Variants in FOXA3 observed in about 807,000 individuals in gnomAD.
FOXA3 encodes hepatocyte nuclear factor 3-gamma.
Under a neutral mutation model 16.9 loss-of-function variants are expected in FOXA3, and 11 were observed. The ratio of observed to expected loss-of-function variants is 0.65; its 90% CI spans 0.41 to 1.08. The LOEUF (loss-of-function observed/expected upper bound fraction) is 1.08, where lower values mean the gene tolerates loss of function less well. Ranked by LOEUF, FOXA3 falls within the 50% of genes least tolerant of loss-of-function variation. The pLI is 0.00. For missense variants in FOXA3, 423 were observed against 470.1 expected, an observed-to-expected ratio of 0.90 and a Z score of 0.93; for synonymous variants, 217 against 203.3, an observed-to-expected ratio of 1.07 and a Z score of -0.57.
At position 45,872,343 on chromosome 19, in the gene FOXA3, T is replaced by A; in HGVS notation, c.338T>A (p.Leu113Gln). 1 of 1,614,018 alleles carries A rather than the reference T, an allele frequency of 6.2e-7. No individual in the cohort carries two copies. Among genetic ancestry groups the A allele is most frequent in the Non-Finnish European group, 8.5e-7 (1 of 1,179,914 alleles). Residue 113 changes from leucine to glutamine, a missense_variant, in exon 2 of 2, where the codon CTG becomes CAG. This residue lies in a region of FOXA3 where 170 missense variants were observed against 153.9 expected (regional missense o/e 1.10). Transcript: ENST00000302177. The surrounding 1 kb of genome is among the most constrained non-coding windows in gnomAD (Gnocchi z 4.5). ...KEMPKGYRRP[L>Q]AHAKPPYSYI... ...ATGCCGAAGGGGTATCGGCGGCCCC[T>A]GGCACACGCCAAGCCACCGTATTCC...
At position 45,873,499 on chromosome 19, in the gene FOXA3, T is replaced by G. The variant is rs1302215889; in HGVS notation, c.*441T>G. 4.6e-6 allele frequency: 1 copy of G among 219,152 alleles called. No homozygotes were observed. The highest frequency in any genetic ancestry group is 9.2e-6 in the Non-Finnish European group (1 of 108,214). 13.6% of individuals were successfully genotyped at this position (219,152 alleles called of 1,614,324 possible). ...CACCTTTTTTGGCCCATTGGGTGCT[T>G]TGATGGACATCATACTGGGTAGGTG... On this transcript the variant is annotated 3_prime_UTR_variant, in exon 2 of 2. Coordinates refer to ENST00000302177, the MANE Select transcript of FOXA3 (RefSeq NM_004497.3).
Position 45,872,925 on chromosome 19 carries a change from A to G in FOXA3, c.920A>G (p.Asn307Ser), listed in dbSNP as rs775918200. Reference sequence around the variant, plus strand: ...AACTTCAACCACCCTTTCTCCATCAACAACCTAATGTCAGAACAGACACCA... The same window carrying G: ...AACTTCAACCACCCTTTCTCCATCAGCAACCTAATGTCAGAACAGACACCA... Reference protein sequence around the residue: ...PYNFNHPFSINNLMSEQTPAP... With the variant: ...PYNFNHPFSISNLMSEQTPAP... The change falls in exon 2 of 2, where the codon AAC becomes AGC. Residue 307 changes from asparagine to serine, a missense_variant. Asn to Ser is a conservative substitution (Grantham distance 46). Around this residue, in one of 3 missense-constraint regions of FOXA3, gnomAD observed 168 missense variants for 179.3 expected, o/e 0.94. Coordinates refer to ENST00000302177, the MANE Select transcript of FOXA3 (RefSeq NM_004497.3). This position sits in a 1 kb window ranked among gnomAD's most constrained non-coding sequence, Gnocchi z 4.5. 1.9e-6 allele frequency: 3 copies of G among 1,613,952 alleles called. No homozygotes were observed. In the East Asian group the frequency reaches 6.7e-5, roughly 36 times the overall value.
intron 1 of FOXA3, among the ~76,000 whole-genome samples, chr19:45,868,180 C>G (rs575692864): frequency 1.8e-4 from 28 of 152,148 alleles, no homozygotes; most frequent in Admixed American, 1.5e-3. Flanking sequence ...CAGAGGATTT[C>G]TCGACTGGAA....
At chr19:45,865,270 G>T (rs537090095) in intron 1 of FOXA3, among the ~76,000 whole-genome samples, 1 of 152,110 alleles carries the variant, frequency 6.6e-6, no homozygotes, top group South Asian at 2.1e-4. Flanking sequence ...GTTTTAGATT[G>T]TGCACCTTCC....
intron 1 of FOXA3, among the ~76,000 whole-genome samples, chr19:45,869,515 C>T (rs2146361472): frequency 6.6e-6 from 1 of 152,338 alleles, no homozygotes; most frequent in African/African-American, 2.4e-5. Context: ...TTAGGAGGCA[C>T]TGCAAGATCT....
chr19:45,871,796 C>T (rs1002077783), intron 1 of FOXA3, among the ~76,000 whole-genome samples: 2 of 152,110 alleles, frequency 1.3e-5, no homozygotes, highest in South Asian at 4.1e-4. Context: ...CAAAGGGTTT[C>T]AGAGACTGCC....
At chr19:45,871,633 C>A (rs1247908375) in intron 1 of FOXA3, among the ~76,000 whole-genome samples, 1 of 150,962 alleles carries the variant, frequency 6.6e-6, no homozygotes, top group East Asian at 1.9e-4. Flanking sequence ...GCTCTGGAGG[C>A]TGATGCAGGA....
In FOXA3 at chr19:45,869,791, A is replaced by AT. The variant is rs71175234; in HGVS notation, c.70-2272dup. Among the ~76,000 whole-genome samples, 181 of 149,138 alleles carry AT rather than the reference A, an allele frequency of 1.2e-3. 2 individuals carry two copies. Among genetic ancestry groups the AT allele is most frequent in the South Asian group, 0.011 (54 of 4,718 alleles). On this transcript the variant is annotated intron_variant, in intron 1 of 1. Transcript: ENST00000302177. ...TACAGTAATTTATTTTTATTTATTT[A>AT]TTTTTTTTTTTTGAGACAGAGTCTT...
chr19:45,868,623 G>A (rs1238290435), intron 1 of FOXA3, among the ~76,000 whole-genome samples: 1 of 151,322 alleles, frequency 6.6e-6, no homozygotes, highest in Non-Finnish European at 1.5e-5. Flanking sequence ...AGACTAGGCG[G>A]TATCCAGTTA....
chr19:45,873,396 C>G lies in FOXA3; in HGVS notation c.*338C>G, dbSNP rs1966930058. On this transcript the variant is annotated 3_prime_UTR_variant, in exon 2 of 2. Transcript: ENST00000302177. ...TTTCAGTGACATCTTCTTTGGCCCC[C>G]CCCATTAGGTGCTGTGCCCACTTCT... The G allele has an allele frequency of 2.8e-6, 1 of 362,612 alleles. No individual in the cohort carries two copies. The highest frequency in any genetic ancestry group is 2.1e-5 in the African/African-American group (1 of 48,298). 22.5% of individuals were successfully genotyped at this position (362,612 alleles called of 1,614,324 possible).
rs1216869210 is a variant in FOXA3 at position 45,872,876 on chromosome 19, G to A, written c.871G>A (p.Glu291Lys). 13 of 1,613,940 alleles carry A rather than the reference G, an allele frequency of 8.1e-6. No individual in the cohort carries two copies. Among genetic ancestry groups the A allele is most frequent in the African/African-American group, 1.3e-5 (1 of 74,930 alleles). ...PYFTGLELPG[E>K]LKLDAPYNFN... ...TTTCACTGGCCTGGAGCTCCCAGGG[G>A]AGCTGAAGCTGGACGCGCCCTACAA... Residue 291 changes from glutamate (E) to lysine (K), a missense_variant, in exon 2 of 2, where the codon GAG becomes AAG. Around this residue, in one of 3 missense-constraint regions of FOXA3, gnomAD observed 168 missense variants for 179.3 expected, o/e 0.94. Transcript: ENST00000302177. This position sits in a 1 kb window ranked among gnomAD's most constrained non-coding sequence, Gnocchi z 4.5.
intron 1 of FOXA3, among the ~76,000 whole-genome samples, chr19:45,871,151 T>A (rs1966900188): frequency 1.3e-5 from 2 of 152,164 alleles, no homozygotes; most frequent in Admixed American, 1.3e-4. Flanking sequence ...CTATCTACGT[T>A]TACAGTATTT....
At chr19:45,869,718 A>G (rs1205890072) in intron 1 of FOXA3, among the ~76,000 whole-genome samples, 1 of 152,156 alleles carries the variant, frequency 6.6e-6, no homozygotes, top group African/African-American at 2.4e-5. Flanking sequence ...GGATAATATT[A>G]TTAGGTTGAA....
Position 45,873,037 on chromosome 19 carries a change from C to G in FOXA3, c.1032C>G (p.Arg344=). 6.2e-7 allele frequency: 1 copy of G among 1,602,328 alleles called. No homozygotes were observed. Among genetic ancestry groups the G allele is most frequent in the South Asian group, 1.1e-5 (1 of 89,476 alleles). ...TCTACTACCAGGGCCTCTATTCCCG[C>G]TCTTTGCTTAATGCATCCTAGCAGG... ...PGVYYQGLYS[R]SLLNAS Residue 344 remains arginine, a synonymous_variant, in exon 2 of 2, where the codon CGC becomes CGG. Transcript: ENST00000302177.
Position 45,872,789 on chromosome 19 carries a change from G to C in FOXA3, c.784G>C (p.Ala262Pro), listed in dbSNP as rs1392142365. 1 of 1,611,718 alleles carries C rather than the reference G, an allele frequency of 6.2e-7. No individual in the cohort carries two copies. Among genetic ancestry groups the C allele is most frequent in the African/African-American group, 1.3e-5 (1 of 74,912 alleles). The change falls in exon 2 of 2, where the codon GCC becomes CCC. Residue 262 changes from alanine to proline, a missense_variant. By Grantham distance (27) the Ala-to-Pro change is conservative. Around this residue, in one of 3 missense-constraint regions of FOXA3, gnomAD observed 168 missense variants for 179.3 expected, o/e 0.94. Transcript: ENST00000302177. The surrounding 1 kb of genome is among the most constrained non-coding windows in gnomAD (Gnocchi z 4.5). ...QPPPPAPEPEAQGGEDVGALD... is the reference protein window; with the variant it reads ...QPPPPAPEPEPQGGEDVGALD... Reference sequence around the variant, plus strand: ...CCCGCCTCCAGCCCCTGAGCCTGAGGCCCAGGGCGGGGAAGATGTGGGGGC... The same window carrying C: ...CCCGCCTCCAGCCCCTGAGCCTGAGCCCCAGGGCGGGGAAGATGTGGGGGC...
intron 1 of FOXA3, among the ~76,000 whole-genome samples, chr19:45,866,678 T>C (rs1219855821): frequency 6.6e-6 from 1 of 152,208 alleles, no homozygotes; most frequent in South Asian, 2.1e-4. Context: ...ACGTTAACAC[T>C]CAGGGCAGCT....
intron 1 of FOXA3, among the ~76,000 whole-genome samples, chr19:45,871,387 A>G (rs35497065): frequency 0.1 from 15,602 of 151,954 alleles, 994 homozygotes; most frequent in East Asian, 0.35. Flanking sequence ...ACCCCCTGGA[A>G]AACTCCACTG....
intron 1 of FOXA3, among the ~76,000 whole-genome samples, chr19:45,870,108 T>A (rs1966891690): frequency 6.6e-6 from 1 of 150,826 alleles, no homozygotes; most frequent in Non-Finnish European, 1.5e-5. Flanking sequence ...TTTTATAAGC[T>A]AAAAGATTGA....
chr19:45,872,874 G>A lies in FOXA3; in HGVS notation c.869G>A (p.Gly290Glu), dbSNP rs1160281424. The A allele has an allele frequency of 6.2e-7, 1 of 1,614,020 alleles. No homozygotes were observed. The highest frequency in any genetic ancestry group is 1.7e-5 in the Admixed American group (1 of 60,012). Residue 290 changes from glycine to glutamate, a missense_variant, in exon 2 of 2, where the codon GGG becomes GAG. Around this residue, in one of 3 missense-constraint regions of FOXA3, gnomAD observed 168 missense variants for 179.3 expected, o/e 0.94. Transcript: ENST00000302177. This position sits in a 1 kb window ranked among gnomAD's most constrained non-coding sequence, Gnocchi z 4.5. ...TATTTCACTGGCCTGGAGCTCCCAGGGGAGCTGAAGCTGGACGCGCCCTAC... is the reference window on the plus strand; with the variant it reads ...TATTTCACTGGCCTGGAGCTCCCAGAGGAGCTGAAGCTGGACGCGCCCTAC... ...TPYFTGLELP[G>E]ELKLDAPYNF...
Sources: gnomAD v4.1 joint callset for allele counts (sites outside exome capture counted in the v4.1 genomes callset) on GRCh38, gnomAD v4.1.1 for gene constraint, gnomAD v4.1.1 regional missense constraint, Gnocchi (gnomAD v3.1) non-coding constraint, MANE v1.5 for transcripts, NCBI Gene and HGNC (gene_info 2026-07-23, HGNC 2026-07-21) for gene names.